The following SI variants were observed in gnomAD, a reference collection of about 807,000 sequenced individuals.
The protein encoded by SI is sucrase-isomaltase, intestinal.
Under a neutral mutation model 253.3 loss-of-function variants are expected in SI, and 235 were observed. That is an observed-to-expected ratio of 0.93 (90% CI 0.83 to 1.03). SI has a LOEUF of 1.03. Ranked by LOEUF, SI falls within the 50% of genes least tolerant of loss-of-function variation. The pLI is 0.00. For missense variants in SI, 2,442 were observed against 2,211.1 expected, an observed-to-expected ratio of 1.10 and a Z score of -2.09; for synonymous variants, 819 against 712.0, an observed-to-expected ratio of 1.15 and a Z score of -2.39.
intron 5 of SI, 136 bp from the exon 6 acceptor site, chr3:165,067,627 C>A (rs776949000): frequency 1.8e-5 from 13 of 734,852 alleles, no homozygotes; most frequent in Admixed American, 2.4e-5. Flanking sequence ...TAATTCAGAA[C>A]CTTAATTTTA....
chr3:165,025,222 T>C (rs1711848646), intron 25 of SI, among the ~76,000 whole-genome samples: 1 of 151,098 alleles, frequency 6.6e-6, no homozygotes, highest in Non-Finnish European at 1.5e-5. Flanking sequence ...GTCTCAGCAA[T>C]AGAATCATAC....
At chr3:165,021,079 G>T in intron 27 of SI, 150 bp downstream of exon 27, 1 of 666,416 alleles carries the variant, frequency 1.5e-6, no homozygotes, top group Non-Finnish European at 2.6e-6. Flanking sequence ...TGTTTAGCTA[G>T]AAATATTAAA....
intron 16 of SI, among the ~76,000 whole-genome samples, chr3:165,045,999 T>G (rs115602065): frequency 0.013 from 1,971 of 151,724 alleles, 40 homozygotes; most frequent in African/African-American, 0.045. Context: ...ATGCCCGTCT[T>G]TTGGTATTTT....
In SI at chr3:165,017,662, A is replaced by G. The variant is rs1719101791; in HGVS notation, c.3645T>C (p.His1215=). ...ATKQYHEVIG[H]PVMPAYWALG... ...AAGCCCAATAAGCTGGCATGACTGG[A>G]TGGCCAATTACCTTTAAAAAAAATT... Residue 1215 remains histidine, a synonymous_variant, in exon 31 of 48, where the codon CAT becomes CAC. Transcript: ENST00000264382. The G allele has an allele frequency of 1.2e-6, 2 of 1,612,678 alleles. No individual in the cohort carries two copies. Among genetic ancestry groups the G allele is most frequent in the East Asian group, 4.5e-5 (2 of 44,748 alleles).
intron 17 of SI, 108 bp from the exon 18 acceptor site, chr3:165,041,202 G>GT (rs201310737): frequency 0.012 from 11,564 of 926,346 alleles, 128 homozygotes; most frequent in Non-Finnish European, 0.017. Context: ...ATTTCAGCTT[G>GT]TTTATGAGAA....
chr3:165,018,409 GT>G lies in SI; in HGVS notation c.3424-344del, dbSNP rs1363533207. The stretch of plus-strand genomic sequence containing the variant: ...ATACTATTGCCATTAGAGTAGTTTG[GT>G]TTATTTCCAAAGGTTATGTGTTTAA... On this transcript the variant is annotated intron_variant, in intron 28 of 47. Transcript: ENST00000264382. 2.7e-5 allele frequency among the ~76,000 whole-genome samples: 4 copies of G among 150,798 alleles called. No homozygotes were observed. In the East Asian group the frequency reaches 7.8e-4, roughly 29 times the overall value.
At chr3:165,025,470 T>C (rs1267510614) in intron 25 of SI, among the ~76,000 whole-genome samples, 1 of 151,178 alleles carries the variant, frequency 6.6e-6, no homozygotes, top group East Asian at 1.9e-4. Flanking sequence ...GCTAGAGATC[T>C]AGACATCCAA....
At chr3:165,044,168 A>G (rs1305907735) in intron 16 of SI, among the ~76,000 whole-genome samples, 1 of 152,040 alleles carries the variant, frequency 6.6e-6, no homozygotes, top group Non-Finnish European at 1.5e-5. Flanking sequence ...TTCATTACAT[A>G]TATGTAAATA....
In SI at chr3:164,982,957, T is replaced by C. The variant is rs774105949; in HGVS notation, c.5247+45A>G. 4 of 1,532,856 alleles carry C rather than the reference T, an allele frequency of 2.6e-6. No individual in the cohort carries two copies. The East Asian group carries it at 9.4e-5, about 36-fold the overall frequency. 95.0% of individuals were successfully genotyped at this position (1,532,856 alleles called of 1,614,324 possible). A position where few individuals can be genotyped will look rare whatever the true frequency, so the allele number is the denominator to read the frequency against. ...TGAGCCACCCCACCCAGCTGTGAAC[T>C]TCAAATATTCCTTAACAGAATTGCA... On this transcript the variant is annotated intron_variant, in intron 46 of 47. Coordinates refer to ENST00000264382, the MANE Select transcript of SI (RefSeq NM_001041.4).
At chr3:165,045,669 A>C (rs746434384) in intron 16 of SI, among the ~76,000 whole-genome samples, 8 of 151,668 alleles carry the variant, frequency 5.3e-5, no homozygotes, top group Non-Finnish European at 1.0e-4. Context: ...CTCACTGTTC[A>C]GCGTTTCTTT....
At chr3:164,995,026 T>C (rs902341371) in intron 40 of SI, among the ~76,000 whole-genome samples, 1 of 151,726 alleles carries the variant, frequency 6.6e-6, no homozygotes, top group Non-Finnish European at 1.5e-5. Context: ...CTTGCACATA[T>C]TAGTTAAAAA....
At chr3:165,033,793 C>G (rs999341520) in intron 22 of SI, among the ~76,000 whole-genome samples, 1 of 151,520 alleles carries the variant, frequency 6.6e-6, no homozygotes, top group South Asian at 2.1e-4. Flanking sequence ...AACCTCATAA[C>G]AGTACATTTT....
chr3:165,047,233 TATGATAGTTAATGAGTCTC>T (rs1009152770), intron 15 of SI, among the ~76,000 whole-genome samples: 18 of 152,096 alleles, frequency 1.2e-4, no homozygotes, highest in African/African-American at 3.6e-4. Flanking sequence ...GCACTGTTCT[TATGATAGTTAATGAGTCTC>T]ATGAGATCTG....
At chr3:165,049,467 A>G (rs567575469) in intron 14 of SI, among the ~76,000 whole-genome samples, 2 of 152,250 alleles carry the variant, frequency 1.3e-5, no homozygotes, top group East Asian at 3.9e-4. Flanking sequence ...TTATATTTAC[A>G]TTGGCAAATA....
intron 16 of SI, among the ~76,000 whole-genome samples, chr3:165,045,027 AT>A: frequency 6.6e-6 from 1 of 152,086 alleles, no homozygotes; most frequent in Non-Finnish European, 1.5e-5. Flanking sequence ...CATTTAACAA[AT>A]TATACATGCA....
chr3:165,059,422 C>T (rs1713878260), intron 10 of SI, 123 bp from the exon 11 acceptor site: 3 of 966,426 alleles, frequency 3.1e-6, no homozygotes, highest in Non-Finnish European at 4.8e-6. Flanking sequence ...GAACGTCCAT[C>T]CTTTTCATTT....
At chr3:165,081,726 G>A (rs2108128897), upstream of SI, among the ~76,000 whole-genome samples, 1 of 152,110 alleles carries the variant, frequency 6.6e-6, no homozygotes, top group South Asian at 2.1e-4. Flanking sequence ...AAGAAGGAAT[G>A]GAAGAAGGCT....
At chr3:165,030,065 T>C (rs1712152426) in intron 25 of SI, among the ~76,000 whole-genome samples, 1 of 150,842 alleles carries the variant, frequency 6.6e-6, no homozygotes, top group African/African-American at 2.4e-5. Flanking sequence ...TTGACTCGCC[T>C]CAGTGATATA....
At chr3:164,999,486 A>G (rs918201037) in intron 37 of SI, among the ~76,000 whole-genome samples, 3 of 151,698 alleles carry the variant, frequency 2.0e-5, no homozygotes, top group Admixed American at 1.3e-4. Context: ...TTATTTTTAT[A>G]TTACTCAAAT....
Sources: gnomAD v4.1 joint callset for allele counts (sites outside exome capture counted in the v4.1 genomes callset) on GRCh38, gnomAD v4.1.1 for gene constraint, MANE v1.5 for transcripts, NCBI Gene and HGNC (gene_info 2026-07-23, HGNC 2026-07-21) for gene names.